BBOF1: variants seen among roughly 807,000 people sequenced by gnomAD.
BBOF1 encodes the protein basal body-orientation factor 1.
BBOF1 carries 62 observed loss-of-function variants against 68.0 expected under a neutral mutation model. That is an observed-to-expected ratio of 0.91 (90% CI 0.74 to 1.13). The LOEUF is 1.13. Ranked by LOEUF, BBOF1 falls within the 50% of genes most tolerant of loss-of-function variation. The pLI is 0.00. For missense variants in BBOF1, 534 were observed against 600.1 expected (o/e 0.89, Z 1.15); for synonymous variants, 208 against 198.8 (o/e 1.05, Z -0.39).
chr14:74,054,407 C>G (rs2060137502), intron 8 of BBOF1, among the ~76,000 whole-genome samples: 1 of 149,480 alleles, frequency 6.7e-6, no homozygotes, highest in Admixed American at 6.7e-5. Flanking sequence ...GAGTCGGAGT[C>G]TCGCTCTGTT....
chr14:74,069,075 T>C, downstream of BBOF1: 1 of 1,311,752 alleles, frequency 7.6e-7, no homozygotes, highest in Non-Finnish European at 1.1e-6. Context: ...GATTTGAAGT[T>C]TTCCTGTGTT....
chr14:74,066,883 TCTC>T, downstream of BBOF1: 1 of 1,613,770 alleles, frequency 6.2e-7, no homozygotes, highest in Admixed American at 1.7e-5. Context: ...TCCAGGCTGA[TCTC>T]CTGTAAAACA....
At chr14:74,035,410 G>A (rs1279535027) in intron 4 of BBOF1, among the ~76,000 whole-genome samples, 1 of 138,882 alleles carries the variant, frequency 7.2e-6, no homozygotes, top group African/African-American at 2.7e-5. Flanking sequence ...CCTCATATGG[G>A]CCCTTTTTTT....
At chr14:74,066,982 A>G, downstream of BBOF1, 2 of 1,209,728 alleles carry the variant, frequency 1.7e-6, no homozygotes, top group South Asian at 1.2e-5. Flanking sequence ...TTAGGAGGCC[A>G]AGGCAGGAGG....
At chr14:74,071,899 G>A in intron 9 of BBOF1, 1 of 1,614,160 alleles carries the variant, frequency 6.2e-7, no homozygotes. Flanking sequence ...AGCTTACGAA[G>A]GCCTCGAAAT....
At chr14:74,053,215 C>T (rs901799571) in intron 8 of BBOF1, among the ~76,000 whole-genome samples, 13 of 151,494 alleles carry the variant, frequency 8.6e-5, no homozygotes, top group Non-Finnish European at 7.4e-5. Context: ...CGGGTTCAAG[C>T]GATTCTCCTG....
At chr14:74,045,344 C>G (rs1192835005) in intron 5 of BBOF1, among the ~76,000 whole-genome samples, 1 of 151,948 alleles carries the variant, frequency 6.6e-6, no homozygotes, top group Admixed American at 6.6e-5. Context: ...GAGTTTCACT[C>G]TTGTTGCCCA....
rs2060031060 is a variant in BBOF1 at position 74,049,976 on chromosome 14, G to A, written c.1067G>A (p.Arg356Lys). ...KKLAKNILDE[R>K]TEVERFFLDA... ...CTGGCCAAGAACATACTGGATGAGA[G>A]AACAGAAGTGGAAAGATTCTTTTTA... Residue 356 changes from arginine to lysine, a missense_variant, in exon 8 of 12, where the codon AGA becomes AAA. By Grantham distance (26) the Arg-to-Lys change is conservative. Transcript: ENST00000394009. 6.2e-7 allele frequency: 1 copy of A among 1,614,040 alleles called. No homozygotes were observed. The highest frequency in any genetic ancestry group is 1.3e-5 in the African/African-American group (1 of 74,930).
rs764620562 is a variant in BBOF1 at position 74,057,188 on chromosome 14, T to C, written c.1508T>C (p.Ile503Thr). Residue 503 changes from isoleucine to threonine, a missense_variant, in exon 11 of 12, where the codon ATT becomes ACT. Physicochemically the swap from Ile to Thr is moderately conservative, Grantham distance 89. Transcript: ENST00000394009. ...LQDKIFITQQ[I>T]AISDSSGEVV... ...GATAAAATCTTCATCACCCAGCAAA[T>C]TGCAATATCAGACTCTTCTGGTGAA... is the stretch of plus-strand genomic sequence containing the variant. 16 of 1,613,706 alleles carry C rather than the reference T, an allele frequency of 9.9e-6. No homozygotes were observed. Among genetic ancestry groups the C allele is most frequent in the African/African-American group, 8.0e-5 (6 of 75,050 alleles).
Position 74,057,215 on chromosome 14 carries a change from T to C in BBOF1, c.1535T>C (p.Val512Ala). 1 of 1,614,116 alleles carries C rather than the reference T, an allele frequency of 6.2e-7. No homozygotes were observed. Among genetic ancestry groups the C allele is most frequent in the Non-Finnish European group, 8.5e-7 (1 of 1,179,974 alleles). Reference sequence around the variant, plus strand: ...GCAATATCAGACTCTTCTGGTGAAGTGGTGCTACCCACTATTCCAAAAGAA... The same window carrying C: ...GCAATATCAGACTCTTCTGGTGAAGCGGTGCTACCCACTATTCCAAAAGAA... ...QIAISDSSGE[V>A]VLPTIPKEPQ... is the part of the protein sequence containing the mutation. The change falls in exon 11 of 12, where the codon GTG (valine) becomes GCG (alanine). Residue 512 changes from valine (V) to alanine (A), a missense_variant. Physicochemically the swap from Val to Ala is moderately conservative, Grantham distance 64. Transcript: ENST00000394009.
chr14:74,072,157 T>A, intron 9 of BBOF1: 1 of 1,613,432 alleles, frequency 6.2e-7, no homozygotes, highest in Non-Finnish European at 8.5e-7. Flanking sequence ...GTGACAAACA[T>A]GCCCTAGGTG....
chr14:74,057,102 T>A, intron 10 of BBOF1, 42 bp from the exon 11 acceptor site: 2 of 1,604,724 alleles, frequency 1.2e-6, no homozygotes, highest in Non-Finnish European at 1.7e-6. Flanking sequence ...GTTTCATGTG[T>A]GTAGAGTTGT....
intron 3 of BBOF1, among the ~76,000 whole-genome samples, chr14:74,029,983 C>T (rs1318729917): frequency 6.6e-6 from 1 of 152,026 alleles, no homozygotes; most frequent in Non-Finnish European, 1.5e-5. Context: ...TGCGTAAACC[C>T]CAATATATCA....
intron 8 of BBOF1, 25 bp downstream of exon 8, chr14:74,050,220 C>T (rs2060037004): frequency 1.3e-6 from 2 of 1,507,572 alleles, no homozygotes; most frequent in South Asian, 1.4e-5. Flanking sequence ...TTATTATTAT[C>T]TTTTTGCTGC....
At position 74,023,110 on chromosome 14, in the gene BBOF1, A is replaced by C. The variant is rs369813084; in HGVS notation, c.251A>C (p.Tyr84Ser). The C allele has an allele frequency of 6.3e-7, 1 of 1,591,498 alleles. No individual in the cohort carries two copies. The highest frequency in any genetic ancestry group is 8.6e-7 in the Non-Finnish European group (1 of 1,168,164). Reference protein sequence around the residue: ...MEKDIMSVLSYLKKQDQEKDN... With the variant: ...MEKDIMSVLSSLKKQDQEKDN... ...AAAGACATAATGTCAGTATTAAGTT[A>C]CCTGAAGAAGCAGGATCAGGAGAAA... Residue 84 changes from tyrosine (Y) to serine (S), a missense_variant, in exon 2 of 12, where the codon TAC becomes TCC. Coordinates refer to ENST00000394009, the MANE Select transcript of BBOF1 (RefSeq NM_025057.3).
At chr14:74,081,130 T>C (rs1284281628) in intron 11 of BBOF1, 1 of 152,260 alleles carries the variant, frequency 6.6e-6, no homozygotes, top group Non-Finnish European at 1.5e-5. Flanking sequence ...GGTAAGCAGC[T>C]GATTGTGAAG....
chr14:74,028,948 CCACA>C (rs530371320), intron 2 of BBOF1, among the ~76,000 whole-genome samples: 11 of 148,438 alleles, frequency 7.4e-5, no homozygotes, highest in Non-Finnish European at 1.2e-4. Context: ...TTATTTTTAA[CCACA>C]CACACACACA....
At chr14:74,061,270 G>GC (rs1566824802) in intron 11 of BBOF1, among the ~76,000 whole-genome samples, 1 of 151,264 alleles carries the variant, frequency 6.6e-6, no homozygotes, top group African/African-American at 2.4e-5. Flanking sequence ...GAGCCACCGT[G>GC]CCCCCAGCTA....
At position 74,081,902 on chromosome 14, in the gene BBOF1, A is replaced by C. The variant is rs548564534; in HGVS notation, n.1639+628A>C. On this transcript the variant is annotated intron_variant and non_coding_transcript_variant, in intron 12 of 12. Coordinates refer to the BBOF1 transcript ENST00000492026. The stretch of plus-strand genomic sequence containing the variant: ...TATCACCGACAGTGCAAGTCGCTAC[A>C]TCTCTTCAAGAGTAATTTTCTTGCC... Among the ~76,000 whole-genome samples the C allele has an allele frequency of 4.6e-5, 7 of 152,286 alleles. No individual in the cohort carries two copies. In the South Asian group the frequency reaches 1.5e-3, roughly 32 times the overall value.
Sources: gnomAD v4.1 joint callset for allele counts (sites outside exome capture counted in the v4.1 genomes callset) on GRCh38, gnomAD v4.1.1 for gene constraint, MANE v1.5 for transcripts, NCBI Gene and HGNC (gene_info 2026-07-23, HGNC 2026-07-21) for gene names.